Variants in USP48 observed in about 807,000 individuals in gnomAD.
USP48 encodes ubiquitin specific peptidase 48, also known as ubiquitin carboxyl-terminal hydrolase 48.
Under a neutral mutation model 150.7 loss-of-function variants are expected in USP48, and 43 were observed. The observed-to-expected ratio is 0.29, with a 90% CI of 0.22 to 0.37. USP48 has a LOEUF of 0.37. Among genes scored for constraint, USP48 ranks in the 10% least tolerant of loss-of-function variants. The pLI, the probability that USP48 is intolerant of heterozygous loss-of-function variation, is 1.00. For missense variants in USP48, 813 were observed against 1,249.6 expected (o/e 0.65, Z 5.27); for synonymous variants, 396 against 425.9 (o/e 0.93, Z 0.86).
chr1:21,710,852 G>C (rs1217668375), intron 15 of USP48, among the ~76,000 whole-genome samples: 1 of 151,912 alleles, frequency 6.6e-6, no homozygotes, highest in African/African-American at 2.4e-5. Flanking sequence ...CTGTCACCCA[G>C]GCTGGAGTGC....
In USP48 at chr1:21,724,218, T is replaced by C. The variant is rs531229482; in HGVS notation, c.1451-123A>G. ...AGAGTTAGCAGAATCAGAAGAATCATTGTCTGGGGGAAGATGTTTGATGAG... is the reference window on the plus strand; with the variant it reads ...AGAGTTAGCAGAATCAGAAGAATCACTGTCTGGGGGAAGATGTTTGATGAG... On this transcript the variant is annotated intron_variant, in intron 11 of 26. Coordinates refer to ENST00000308271, the MANE Select transcript of USP48 (RefSeq NM_032236.8). 1.6e-5 allele frequency: 16 copies of C among 980,136 alleles called. No individual in the cohort carries two copies. In the Middle Eastern group the frequency reaches 6.3e-4, roughly 39 times the overall value. The allele number at this position is 980,136 out of a possible 1,614,324, so 60.7% of individuals were successfully genotyped here.
chr1:21,721,910 A>C (rs1366474921), intron 12 of USP48, 146 bp from the exon 13 acceptor site: 1 of 483,034 alleles, frequency 2.1e-6, no homozygotes, highest in East Asian at 3.3e-5. Flanking sequence ...ATATACCCTA[A>C]ATTATTTTAC....
chr1:21,780,822 A>AACCTCC (rs2097912630), intron 1 of USP48, among the ~76,000 whole-genome samples: 1 of 137,754 alleles, frequency 7.3e-6, no homozygotes, highest in Non-Finnish European at 1.5e-5. Context: ...GGCTCACCGC[A>AACCTCC]ACCTCCACCT....
At chr1:21,680,950 C>G in intron 25 of USP48, 116 bp from the exon 26 acceptor site, 1 of 725,944 alleles carries the variant, frequency 1.4e-6, no homozygotes, top group Non-Finnish European at 2.3e-6. Flanking sequence ...ACCTTTGTCA[C>G]CTGTAATAAT....
chr1:21,680,807 C>A lies in USP48; in HGVS notation c.3085+1G>T. 6.3e-7 allele frequency: 1 copy of A among 1,588,974 alleles called. No individual in the cohort carries two copies. Among genetic ancestry groups the A allele is most frequent in the South Asian group, 1.2e-5 (1 of 85,198 alleles). On this transcript the variant is annotated splice_donor_variant, in intron 26 of 26. Transcript: ENST00000308271. LOFTEE classifies it high-confidence loss of function. ...AACAAAACATGACAAATGTAACTTACCTTTAAACCCTTCTTCTGGCATACA... is the reference window on the plus strand; with the variant it reads ...AACAAAACATGACAAATGTAACTTAACTTTAAACCCTTCTTCTGGCATACA...
At chr1:21,692,906 T>C (rs1184111693) in intron 23 of USP48, among the ~76,000 whole-genome samples, 1 of 152,046 alleles carries the variant, frequency 6.6e-6, no homozygotes, top group Non-Finnish European at 1.5e-5. Flanking sequence ...ATCCTTAAAC[T>C]CTAAGTGCTA....
At chr1:21,778,940 C>T (rs1185476456) in intron 1 of USP48, among the ~76,000 whole-genome samples, 4 of 151,960 alleles carry the variant, frequency 2.6e-5, no homozygotes, top group Non-Finnish European at 5.9e-5. Context: ...CGCCACCATG[C>T]CCGGCTAATT....
rs1432780427 is a variant in USP48 at position 21,721,175 on chromosome 1, C to G, written c.1764-9G>C. 6.2e-7 allele frequency: 1 copy of G among 1,613,806 alleles called. No individual in the cohort carries two copies. Among genetic ancestry groups the G allele is most frequent in the Non-Finnish European group, 8.5e-7 (1 of 1,179,794 alleles). On this transcript the variant is annotated splice_polypyrimidine_tract_variant and intron_variant, in intron 13 of 26. Coordinates refer to ENST00000308271, the MANE Select transcript of USP48 (RefSeq NM_032236.8). ...CCCAAAATCCATCGCTGCTGTGGAA[C>G]AGAGAGAATGTTAAATCATATAAGT...
At chr1:21,748,451 T>C (rs550470956) in intron 6 of USP48, among the ~76,000 whole-genome samples, 180 bp from the exon 7 acceptor site, 115 of 152,346 alleles carry the variant, frequency 7.5e-4, no homozygotes, top group African/African-American at 2.6e-3. Flanking sequence ...AGTGACATTA[T>C]CAATTTGAAT....
chr1:21,693,783 A>T (rs1490093108), intron 23 of USP48, among the ~76,000 whole-genome samples: 1 of 152,238 alleles, frequency 6.6e-6, no homozygotes, highest in Non-Finnish European at 1.5e-5. Context: ...GAGTAAAGAT[A>T]TTATGCCAAC....
At chr1:21,768,727 T>C (rs540514364) in intron 1 of USP48, among the ~76,000 whole-genome samples, 1 of 135,152 alleles carries the variant, frequency 7.4e-6, no homozygotes, top group Admixed American at 8.2e-5. Flanking sequence ...ATGGCTCCCA[T>C]ACACCCTAAG....
Position 21,773,170 on chromosome 1 carries a change from G to A in USP48, c.134+9654C>T, listed in dbSNP as rs573616550. ...CTTGGGAGGCTGAGGCAGGAAAATC[G>A]CTTGAACCCAGGAAGCAGAGGTTGC... On this transcript the variant is annotated intron_variant, in intron 1 of 26. Coordinates refer to ENST00000308271, the MANE Select transcript of USP48 (RefSeq NM_032236.8). Among the ~76,000 whole-genome samples, 8 of 145,182 alleles carry A rather than the reference G, an allele frequency of 5.5e-5. No homozygotes were observed. The East Asian group carries it at 1.2e-3, about 22-fold the overall frequency.
chr1:21,721,065 C>G lies in USP48; in HGVS notation c.1865G>C (p.Gly622Ala). The change falls in exon 14 of 27, where the codon GGA becomes GCA. Residue 622 changes from glycine to alanine, a missense_variant. By Grantham distance (60) the Gly-to-Ala change is moderately conservative (BLOSUM62 0). Coordinates refer to ENST00000308271, the MANE Select transcript of USP48 (RefSeq NM_032236.8). ...EQDGDAEQSN[G>A]KMNGSTLNKD... Reference sequence around the variant, plus strand: ...ATTTAAGGTGCTACCGTTCATCTTTCCGTTGCTTTGTTCTGCATCACCATC... The same window carrying G: ...ATTTAAGGTGCTACCGTTCATCTTTGCGTTGCTTTGTTCTGCATCACCATC... 1 of 1,614,246 alleles carries G rather than the reference C, an allele frequency of 6.2e-7. No homozygotes were observed.
intron 1 of USP48, among the ~76,000 whole-genome samples, chr1:21,763,128 A>G (rs896838988): frequency 1.8e-4 from 28 of 152,198 alleles, no homozygotes; most frequent in African/African-American, 6.3e-4. Flanking sequence ...TATTACCACA[A>G]TAAGACTTTC....
At chr1:21,770,821 T>C (rs919889055) in intron 1 of USP48, among the ~76,000 whole-genome samples, 2 of 151,864 alleles carry the variant, frequency 1.3e-5, no homozygotes, top group African/African-American at 4.8e-5. Flanking sequence ...CTTTTCTGTA[T>C]GTAAAAAAAT....
intron 21 of USP48, among the ~76,000 whole-genome samples, 168 bp from the exon 22 acceptor site, chr1:21,701,770 A>G (rs948705175): frequency 6.6e-6 from 1 of 152,162 alleles, no homozygotes; most frequent in African/African-American, 2.4e-5. Context: ...ACGGTTTTCT[A>G]TGCTCTTTTA....
intron 1 of USP48, chr1:21,781,922 T>C (rs2097915592): frequency 6.6e-6 from 1 of 152,320 alleles, no homozygotes. Context: ...TTCGTTTGCT[T>C]TATAGAAACT....
At chr1:21,682,805 G>A (rs931005502) in intron 25 of USP48, among the ~76,000 whole-genome samples, 3 of 151,836 alleles carry the variant, frequency 2.0e-5, no homozygotes, top group African/African-American at 4.8e-5. Context: ...AACCCAGGAC[G>A]GGGAGATTGT....
intron 24 of USP48, 142 bp downstream of exon 24, chr1:21,689,832 C>T (rs2097592123): frequency 8.8e-7 from 1 of 1,137,636 alleles, no homozygotes. Context: ...TTGGGCTGAG[C>T]TGCAAAAACC....
Sources: allele counts gnomAD v4.1 joint callset (sites outside exome capture counted in the v4.1 genomes callset), GRCh38; gene constraint gnomAD v4.1.1; transcripts MANE v1.5; gene names NCBI Gene and HGNC (gene_info 2026-07-23, HGNC 2026-07-21).